SIK3: variants seen among roughly 807,000 people sequenced by gnomAD.
The protein encoded by SIK3 is SIK family kinase 3, also known as serine/threonine-protein kinase SIK3.
In SIK3, 28 loss-of-function variants were observed where a neutral mutation model predicts 144.2. The observed-to-expected ratio is 0.19, with a 90% CI of 0.14 to 0.27. SIK3 has a LOEUF of 0.27. Among genes scored for constraint, SIK3 ranks in the 10% least tolerant of loss-of-function variants. SIK3 has a pLI of 1.00. For synonymous variants in SIK3, 686 were observed against 676.3 expected (o/e 1.01, Z -0.22); for missense variants, 1,319 against 1,776.0 (o/e 0.74, Z 4.62).
intron 5 of SIK3, 100 bp from the exon 6 acceptor site, chr11:116,896,476 G>A (rs113966257): frequency 6.9e-6 from 9 of 1,300,440 alleles, no homozygotes; most frequent in East Asian, 5.0e-5. Flanking sequence ...TCATGCATAC[G>A]ATTATGGAAC....
intron 2 of SIK3, among the ~76,000 whole-genome samples, chr11:116,955,713 G>C (rs1226822561): frequency 6.6e-6 from 1 of 152,208 alleles, no homozygotes; most frequent in Non-Finnish European, 1.5e-5. Flanking sequence ...TGAGCTCACA[G>C]ATATAGGTCT....
chr11:117,075,536 A>ATTT (rs148428202), intron 1 of SIK3, among the ~76,000 whole-genome samples: 1 of 141,534 alleles, frequency 7.1e-6, no homozygotes, highest in Non-Finnish European at 1.5e-5. Context: ...GTTATTGATT[A>ATTT]TTTTTTTTTC....
chr11:117,036,085 G>T, intron 1 of SIK3: 2 of 808,198 alleles, frequency 2.5e-6, no homozygotes, highest in Non-Finnish European at 3.8e-6. Flanking sequence ...CCGCCGGAAA[G>T]GTTAATTTTT....
Position 117,013,915 on chromosome 11 carries a change from G to GGGGGTGT in SIK3, c.274-56852_274-56851insACACCCC, listed in dbSNP as rs1206309055. Among the ~76,000 whole-genome samples, 4 of 23,616 alleles carry GGGGGTGT rather than the reference G, an allele frequency of 1.7e-4. 1 individual carries two copies. Among genetic ancestry groups the GGGGGTGT allele is most frequent in the Non-Finnish European group, 3.9e-4 (3 of 7,730 alleles). The allele number at this position is 23,616 out of a possible 152,430, so 15.5% of individuals were successfully genotyped here. ...CAGATTCTGAGGGGGGGGGGGGGAG[G>GGGGGTGT]GTGTGTGTGTGTGTGTGTGTGTGTG... On this transcript the variant is annotated intron_variant, in intron 1 of 24. Transcript: ENST00000445177.
chr11:116,976,749 A>C (rs1238208633), intron 1 of SIK3, among the ~76,000 whole-genome samples: 1 of 152,256 alleles, frequency 6.6e-6, no homozygotes, highest in Non-Finnish European at 1.5e-5. Flanking sequence ...TTAATGAATC[A>C]AATGAAAAGA....
intron 1 of SIK3, among the ~76,000 whole-genome samples, chr11:117,023,524 A>G (rs1342465189): frequency 1.4e-5 from 2 of 147,006 alleles, no homozygotes; most frequent in Admixed American, 1.4e-4. Flanking sequence ...TCTAGTCTCA[A>G]CCTCCCTGGT....
intron 15 of SIK3, chr11:116,864,996 T>C (rs1217250498): frequency 2.0e-5 from 3 of 152,248 alleles, no homozygotes; most frequent in Non-Finnish European, 4.4e-5. Flanking sequence ...TACCTGAGGC[T>C]TGACCCAGCA....
intron 1 of SIK3, among the ~76,000 whole-genome samples, chr11:116,961,919 A>C (rs1949363074): frequency 6.6e-6 from 1 of 152,210 alleles, no homozygotes; most frequent in African/African-American, 2.4e-5. Context: ...CCAAATTTAA[A>C]GTCATAGTTC....
At chr11:117,097,128 T>A (rs1347664221) in intron 1 of SIK3, among the ~76,000 whole-genome samples, 1 of 152,174 alleles carries the variant, frequency 6.6e-6, no homozygotes, top group Non-Finnish European at 1.5e-5. Flanking sequence ...GAAGGCTACA[T>A]GAAAGTGCTA....
intron 4 of SIK3, among the ~76,000 whole-genome samples, chr11:116,921,406 C>T (rs1034312606): frequency 3.9e-5 from 6 of 152,280 alleles, no homozygotes; most frequent in Admixed American, 1.3e-4. Context: ...TCACGTTTCA[C>T]GCTTCTTTTT....
chr11:117,049,105 A>C (rs1458594597), intron 1 of SIK3, among the ~76,000 whole-genome samples: 1 of 152,100 alleles, frequency 6.6e-6, no homozygotes, highest in Non-Finnish European at 1.5e-5. Context: ...ACTCCATCTC[A>C]AAAAATTTTT....
At chr11:117,010,976 TG>T (rs1333249226) in intron 1 of SIK3, among the ~76,000 whole-genome samples, 1 of 151,946 alleles carries the variant, frequency 6.6e-6, no homozygotes, top group Non-Finnish European at 1.5e-5. Context: ...AAAAATCAGC[TG>T]GGTGTGATGG....
chr11:116,953,082 T>C (rs1949005033), intron 3 of SIK3, among the ~76,000 whole-genome samples: 1 of 151,956 alleles, frequency 6.6e-6, no homozygotes, highest in South Asian at 2.1e-4. Context: ...ACTAGATCGC[T>C]AGGGAAACTT....
At chr11:116,854,025 A>G (rs1381970402) in intron 21 of SIK3, among the ~76,000 whole-genome samples, 1 of 152,210 alleles carries the variant, frequency 6.6e-6, no homozygotes, top group African/African-American at 2.4e-5. Context: ...GGAAATAGGT[A>G]ACCATGGACA....
chr11:116,862,078 C>G, intron 17 of SIK3, 124 bp downstream of exon 17: 1 of 1,427,932 alleles, frequency 7.0e-7, no homozygotes. Context: ...TTTACTCAAA[C>G]ATGTCAACCA....
intron 4 of SIK3, among the ~76,000 whole-genome samples, chr11:116,897,678 C>T (rs1020358254): frequency 2.0e-5 from 3 of 152,132 alleles, no homozygotes; most frequent in Admixed American, 6.5e-5. Flanking sequence ...ATCACGAGGT[C>T]AGGAGATCAT....
At chr11:116,987,915 T>A (rs1181945596) in intron 1 of SIK3, among the ~76,000 whole-genome samples, 2 of 152,182 alleles carry the variant, frequency 1.3e-5, no homozygotes, top group African/African-American at 4.8e-5. Context: ...AACTTATGTG[T>A]GGTTTGGATG....
chr11:116,878,301 T>G (rs1330476774), intron 6 of SIK3, among the ~76,000 whole-genome samples: 1 of 152,126 alleles, frequency 6.6e-6, no homozygotes, highest in African/African-American at 2.4e-5. Flanking sequence ...ACTTTGCCTG[T>G]AACTCTCCAA....
chr11:117,057,006 G>A (rs541363157), intron 1 of SIK3, among the ~76,000 whole-genome samples: 1 of 152,310 alleles, frequency 6.6e-6, no homozygotes, highest in South Asian at 2.1e-4. Context: ...TTTCTTTAGA[G>A]ATAATTGTAG....
Sources: gnomAD v4.1 joint callset for allele counts (sites outside exome capture counted in the v4.1 genomes callset) on GRCh38, gnomAD v4.1.1 for gene constraint, MANE v1.5 for transcripts, NCBI Gene and HGNC (gene_info 2026-07-23, HGNC 2026-07-21) for gene names.